TUSC3: variants seen among roughly 807,000 people sequenced by gnomAD.
TUSC3 encodes the protein dolichyl-diphosphooligosaccharide--protein glycosyltransferase subunit TUSC3.
In TUSC3, 45 loss-of-function variants were observed where a neutral mutation model predicts 44.8. The observed-to-expected ratio is 1.00, with a 90% CI of 0.79 to 1.29. TUSC3 has a LOEUF of 1.29. Among genes scored for constraint, TUSC3 ranks in the 50% most tolerant of loss-of-function variants. TUSC3 has a pLI of 0.00. For missense variants in TUSC3, 519 were observed against 437.9 expected (o/e 1.19, Z -1.65); for synonymous variants, 212 against 152.9 (o/e 1.39, Z -2.85).
chr8:15,754,926 C>A (rs1296287795), intron 9 of TUSC3, among the ~76,000 whole-genome samples: 1 of 152,040 alleles, frequency 6.6e-6, no homozygotes, highest in African/African-American at 2.4e-5. Context: ...CCTTAAACAT[C>A]TATGCCCTTC....
chr8:15,582,130 G>A (rs916809711), intron 1 of TUSC3, among the ~76,000 whole-genome samples: 6 of 152,168 alleles, frequency 3.9e-5, no homozygotes, highest in Admixed American at 6.5e-5. Context: ...GACCCCTTGC[G>A]CTTCCCAAGT....
the TUSC3 span, among the ~76,000 whole-genome samples, chr8:15,802,666 ACTTT>A: frequency 8.1e-6 from 1 of 123,848 alleles, no homozygotes; most frequent in Middle Eastern, 3.9e-3. Context: ...AGGATTAATT[ACTTT>A]TTTTTTTTTG....
chr8:15,743,121 A>G lies in TUSC3; in HGVS notation c.863-417A>G, dbSNP rs140240720. On this transcript the variant is annotated intron_variant, in intron 7 of 10. Transcript: ENST00000503731. ...TAAAGATTTCAACTAAACAAAATCT[A>G]TGAAAAAATGCTTTTAGAAGAAAAA... Among the ~76,000 whole-genome samples, 876 of 152,342 alleles carry G rather than the reference A, an allele frequency of 5.8e-3. 7 individuals carry two copies. The highest frequency in any genetic ancestry group is 0.02 in the African/African-American group (814 of 41,578).
At chr8:15,719,909 G>C (rs1476047397) in intron 6 of TUSC3, among the ~76,000 whole-genome samples, 1 of 152,018 alleles carries the variant, frequency 6.6e-6, no homozygotes, top group Admixed American at 6.6e-5. Flanking sequence ...ATTGTGTTTA[G>C]TGCTATAAAG....
At chr8:15,644,575 C>A (rs1350949169) in intron 2 of TUSC3, among the ~76,000 whole-genome samples, 1 of 152,048 alleles carries the variant, frequency 6.6e-6, no homozygotes, top group African/African-American at 2.4e-5. Flanking sequence ...ATTTCTTTAT[C>A]TGTCATTAGT....
chr8:15,449,068 G>A (rs1427111449), intron 1 of TUSC3, among the ~76,000 whole-genome samples: 1 of 152,122 alleles, frequency 6.6e-6, no homozygotes, highest in African/African-American at 2.4e-5. Context: ...ATTTAGAAAG[G>A]AGAGCTTTAT....
chr8:15,541,346 G>A (rs939661249), intron 1 of TUSC3, among the ~76,000 whole-genome samples: 1 of 152,186 alleles, frequency 6.6e-6, no homozygotes, highest in African/African-American at 2.4e-5. Context: ...TGATCTAGCT[G>A]CTTCAGCAAA....
chr8:15,756,774 G>A (rs1811945344), intron 9 of TUSC3, among the ~76,000 whole-genome samples: 1 of 152,114 alleles, frequency 6.6e-6, no homozygotes, highest in South Asian at 2.1e-4. Flanking sequence ...GACACCCCCT[G>A]GAGTTGTCAG....
chr8:15,439,877 A>C (rs1799998209), intron 1 of TUSC3, among the ~76,000 whole-genome samples: 1 of 152,200 alleles, frequency 6.6e-6, no homozygotes. Context: ...TAGTAACAAA[A>C]ATCTTCCTTT....
At chr8:15,546,323 A>G (rs1050372511) in intron 1 of TUSC3, among the ~76,000 whole-genome samples, 1 of 151,744 alleles carries the variant, frequency 6.6e-6, no homozygotes. Context: ...ATCAGTTTTT[A>G]TCTAATCACT....
At chr8:15,685,377 A>T (rs772676126) in intron 6 of TUSC3, among the ~76,000 whole-genome samples, 3 of 151,726 alleles carry the variant, frequency 2.0e-5, no homozygotes, top group African/African-American at 4.8e-5. Flanking sequence ...TCTCTTCTCT[A>T]TTGACTTGAT....
the TUSC3 span, among the ~76,000 whole-genome samples, chr8:15,785,262 G>T: frequency 6.6e-6 from 1 of 151,396 alleles, no homozygotes; most frequent in African/African-American, 2.4e-5. Context: ...GAAAGAAACT[G>T]TAAATTAAGA....
At chr8:15,474,053 T>G (rs907426217) in intron 1 of TUSC3, among the ~76,000 whole-genome samples, 1 of 152,050 alleles carries the variant, frequency 6.6e-6, no homozygotes, top group Non-Finnish European at 1.5e-5. Context: ...GAATGCATTC[T>G]TCCCCACGGT....
At chr8:15,771,415 C>T (rs1812437144), downstream of TUSC3, among the ~76,000 whole-genome samples, 1 of 152,076 alleles carries the variant, frequency 6.6e-6, no homozygotes, top group Non-Finnish European at 1.5e-5. Flanking sequence ...AAGAGTCCTT[C>T]AAGCTGAAAG....
At chr8:15,690,852 G>C (rs145318335) in intron 6 of TUSC3, among the ~76,000 whole-genome samples, 3 of 151,586 alleles carry the variant, frequency 2.0e-5, no homozygotes, top group African/African-American at 7.3e-5. Flanking sequence ...CTGTTCCATT[G>C]GTCTGTGTGT....
intron 6 of TUSC3, among the ~76,000 whole-genome samples, chr8:15,726,854 A>G (rs1810515913): frequency 6.6e-6 from 1 of 151,504 alleles, no homozygotes; most frequent in African/African-American, 2.4e-5. Flanking sequence ...TAGACAACTA[A>G]AAAACATTTA....
rs945164737 is a variant in TUSC3, at chr8:15,650,649, A to T, written c.309-48A>T. On this transcript the variant is annotated intron_variant, in intron 2 of 10. Transcript: ENST00000503731. Reference sequence around the variant, plus strand: ...GTCTGTTTTAATAACTGCTTTGTAGATGCTTCAGTACTGATGTGTTTCTAC... The same window carrying T: ...GTCTGTTTTAATAACTGCTTTGTAGTTGCTTCAGTACTGATGTGTTTCTAC... 2.6e-6 allele frequency: 4 copies of T among 1,523,996 alleles called. No homozygotes were observed. The African/African-American group carries it at 5.5e-5, about 21-fold the overall frequency. The allele number at this position is 1,523,996 out of a possible 1,614,324, so 94.4% of individuals were successfully genotyped here.
rs1210226814 is a variant in TUSC3 at position 15,766,396 on chromosome 8, A to G, written c.*2240A>G. 1 of 152,114 alleles carries G rather than the reference A, an allele frequency of 6.6e-6. No individual in the cohort carries two copies. The highest frequency in any genetic ancestry group is 2.4e-5 in the African/African-American group (1 of 41,440). The allele number at this position is 152,114 out of a possible 1,614,324, so 9.4% of individuals were successfully genotyped here. ...TTTGCTAGACAATGAGAATTGAATAATTGATTTGTACCTGGTATGTTATAT... is the reference window on the plus strand; with the variant it reads ...TTTGCTAGACAATGAGAATTGAATAGTTGATTTGTACCTGGTATGTTATAT... On this transcript the variant is annotated 3_prime_UTR_variant, in exon 11 of 11. Coordinates refer to ENST00000503731, the MANE Select transcript of TUSC3 (RefSeq NM_006765.4).
At chr8:15,804,922 G>A in the TUSC3 span, among the ~76,000 whole-genome samples, 74 of 152,286 alleles carry the variant, frequency 4.9e-4, no homozygotes, top group African/African-American at 1.7e-3. Context: ...GCTTTGGGCA[G>A]TATGGCCATT....
Sources: gnomAD v4.1 joint callset for allele counts (sites outside exome capture counted in the v4.1 genomes callset) on GRCh38, gnomAD v4.1.1 for gene constraint, MANE v1.5 for transcripts, NCBI Gene and HGNC (gene_info 2026-07-23, HGNC 2026-07-21) for gene names.